Variants in SHB observed in about 807,000 individuals in gnomAD.
SHB encodes SH2 domain-containing adapter protein B.
A neutral mutation model predicts 52.3 loss-of-function variants in SHB; 20 were observed. The observed-to-expected ratio is 0.38, with a 90% confidence interval of 0.27 to 0.56. SHB has a LOEUF of 0.56. Ranked by LOEUF, SHB falls within the 20% of genes least tolerant of loss-of-function variation. SHB has a pLI of 0.71. For missense variants in SHB, 825 were observed against 723.3 expected, an observed-to-expected ratio of 1.14 and a Z score of -1.61; for synonymous variants, 397 against 316.5, an observed-to-expected ratio of 1.25 and a Z score of -2.70.
At chr9:38,022,149 T>C (rs1481771986) in intron 1 of SHB, among the ~76,000 whole-genome samples, 2 of 152,198 alleles carry the variant, frequency 1.3e-5, no homozygotes, top group African/African-American at 2.4e-5. Flanking sequence ...CACTAATCTC[T>C]TAGAGAATAT....
At chr9:37,937,558 G>A (rs551926901) in intron 5 of SHB, among the ~76,000 whole-genome samples, 5 of 152,244 alleles carry the variant, frequency 3.3e-5, no homozygotes, top group East Asian at 3.9e-4. Context: ...TCCTAGAGAA[G>A]AGCAGGTGAA....
In SHB at chr9:37,918,616, T is replaced by C. The variant is rs1025386244; in HGVS notation, c.*1205A>G. Among the ~76,000 whole-genome samples, 8 of 152,328 alleles carry C rather than the reference T, an allele frequency of 5.3e-5. No homozygotes were observed. The South Asian group carries it at 8.3e-4, about 16-fold the overall frequency. ...CATGGGCAGGGTGACAGCAAGGCCATGCAGAACCAACGAAAGAGCATTGGC... is the reference window on the plus strand; with the variant it reads ...CATGGGCAGGGTGACAGCAAGGCCACGCAGAACCAACGAAAGAGCATTGGC... On this transcript the variant is annotated 3_prime_UTR_variant, in exon 6 of 6. Transcript: ENST00000377707.
intron 5 of SHB, among the ~76,000 whole-genome samples, chr9:37,930,845 C>T (rs187242174): frequency 5.9e-5 from 9 of 152,286 alleles, no homozygotes; most frequent in South Asian, 2.1e-4. Context: ...GGGGGCATCA[C>T]ACTTCCTGAT....
chr9:38,043,024 T>C (rs1373965737), intron 1 of SHB, among the ~76,000 whole-genome samples: 1 of 152,194 alleles, frequency 6.6e-6, no homozygotes, highest in African/African-American at 2.4e-5. Flanking sequence ...ACCCAACTTG[T>C]CCTTGCCAAA....
chr9:37,986,719 G>C (rs1013449868), intron 2 of SHB, among the ~76,000 whole-genome samples: 2 of 152,234 alleles, frequency 1.3e-5, no homozygotes, highest in Non-Finnish European at 2.9e-5. Flanking sequence ...GGGATGATGA[G>C]CAGGGGCTGG....
At chr9:37,985,840 G>C (rs538725418) in intron 2 of SHB, among the ~76,000 whole-genome samples, 2 of 117,378 alleles carry the variant, frequency 1.7e-5, no homozygotes, top group Admixed American at 8.4e-5. Context: ...TGTAAGCGCT[G>C]AGTTGGACAG....
intron 2 of SHB, among the ~76,000 whole-genome samples, chr9:37,992,486 T>G (rs1820894658): frequency 6.6e-6 from 1 of 152,220 alleles, no homozygotes; most frequent in East Asian, 1.9e-4. Flanking sequence ...TCTTTGGGGC[T>G]AGGTAAGTGT....
intron 2 of SHB, among the ~76,000 whole-genome samples, chr9:38,007,499 G>A (rs1821087815): frequency 6.6e-6 from 1 of 152,180 alleles, no homozygotes; most frequent in Non-Finnish European, 1.5e-5. Context: ...CGCCAAGGCA[G>A]CCTCCCTGCC....
chr9:37,951,906 G>A (rs910547340), intron 4 of SHB, among the ~76,000 whole-genome samples: 1 of 152,224 alleles, frequency 6.6e-6, no homozygotes, highest in African/African-American at 2.4e-5. Context: ...GTCCTGTGGG[G>A]GGCTACAGCC....
At chr9:37,984,847 A>G (rs898772707) in intron 2 of SHB, among the ~76,000 whole-genome samples, 3 of 152,120 alleles carry the variant, frequency 2.0e-5, no homozygotes, top group African/African-American at 7.2e-5. Context: ...GGGTGCTTCA[A>G]CGTCTGAATT....
intron 2 of SHB, among the ~76,000 whole-genome samples, chr9:38,000,999 T>A (rs564282698): frequency 4.6e-5 from 7 of 152,224 alleles, no homozygotes; most frequent in Non-Finnish European, 7.3e-5. Context: ...GAGAATCCAA[T>A]CAGCAGGGAT....
At chr9:38,009,310 G>A (rs967274011) in intron 2 of SHB, among the ~76,000 whole-genome samples, 1 of 152,210 alleles carries the variant, frequency 6.6e-6, no homozygotes, top group Non-Finnish European at 1.5e-5. Flanking sequence ...CTGGGGGTGG[G>A]GCAGGACCCT....
intron 5 of SHB, among the ~76,000 whole-genome samples, chr9:37,923,486 C>A (rs1832208206): frequency 6.6e-6 from 1 of 152,222 alleles, no homozygotes; most frequent in Non-Finnish European, 1.5e-5. Flanking sequence ...ATCTGCCAAT[C>A]CTCGACCAAT....
At chr9:37,989,720 C>T (rs1011621708) in intron 2 of SHB, among the ~76,000 whole-genome samples, 6 of 152,166 alleles carry the variant, frequency 3.9e-5, no homozygotes, top group South Asian at 2.1e-4. Flanking sequence ...CCAACTCTAA[C>T]GTCACTTCTT....
At chr9:37,923,469 C>T (rs1315697123) in intron 5 of SHB, among the ~76,000 whole-genome samples, 2 of 152,162 alleles carry the variant, frequency 1.3e-5, no homozygotes, top group African/African-American at 2.4e-5. Flanking sequence ...TCCGAGGTCC[C>T]GAGACTATCT....
chr9:38,016,545 C>T (rs1821215139), intron 1 of SHB, among the ~76,000 whole-genome samples: 1 of 152,202 alleles, frequency 6.6e-6, no homozygotes, highest in South Asian at 2.1e-4. Context: ...TGCTGACATG[C>T]TCCTGGTGCT....
At chr9:38,013,726 C>A (rs1000172783) in intron 2 of SHB, among the ~76,000 whole-genome samples, 1 of 152,308 alleles carries the variant, frequency 6.6e-6, no homozygotes, top group Non-Finnish European at 1.5e-5. Flanking sequence ...CAGGGGCAAA[C>A]CCTCCATGAG....
chr9:38,016,650 C>A (rs1412271187), intron 1 of SHB, among the ~76,000 whole-genome samples: 1 of 152,188 alleles, frequency 6.6e-6, no homozygotes, highest in Non-Finnish European at 1.5e-5. Context: ...CATCAGACAA[C>A]AATTTGGTGA....
At chr9:37,932,317 T>C (rs1082865) in intron 5 of SHB, among the ~76,000 whole-genome samples, 105,425 of 143,884 alleles carry the variant, frequency 0.73, 38,873 homozygotes, top group South Asian at 0.83. Context: ...ATTGTATGAT[T>C]GATCTCATTT....
Sources: allele counts gnomAD v4.1 joint callset (sites outside exome capture counted in the v4.1 genomes callset), GRCh38; gene constraint gnomAD v4.1.1; transcripts MANE v1.5; gene names NCBI Gene and HGNC (gene_info 2026-07-23, HGNC 2026-07-21).